The following ERMAP variants were observed in gnomAD, a reference collection of about 807,000 sequenced individuals.
ERMAP encodes erythroid membrane-associated protein.
A neutral mutation model predicts 49.5 loss-of-function variants in ERMAP; 34 were observed. The ratio of observed to expected loss-of-function variants is 0.69; its 90% CI spans 0.52 to 0.91. The LOEUF (loss-of-function observed/expected upper bound fraction) is 0.91. Among genes scored for constraint, ERMAP ranks in the 40% least tolerant of loss-of-function variants. The pLI, the probability that ERMAP is intolerant of heterozygous loss-of-function variation, is 0.00. For synonymous variants in ERMAP, 214 were observed against 232.2 expected (o/e 0.92, Z 0.71); for missense variants, 541 against 582.6 (o/e 0.93, Z 0.74).
At chr1:42,826,994 A>C (rs1304319611) in intron 2 of ERMAP, among the ~76,000 whole-genome samples, 1 of 152,178 alleles carries the variant, frequency 6.6e-6, no homozygotes, top group Admixed American at 6.5e-5. Context: ...AAAACAACCT[A>C]AATGTCCTCA....
At position 42,835,205 on chromosome 1, in the gene ERMAP, G is replaced by A. The variant is rs1371987681; in HGVS notation, c.550+51G>A. The A allele has an allele frequency of 4.8e-6, 4 of 830,640 alleles. No homozygotes were observed. The Admixed American group carries it at 6.8e-5, about 14-fold the overall frequency. The allele number at this position is 830,640 out of a possible 1,614,324, so 51.5% of individuals were successfully genotyped here. On this transcript the variant is annotated intron_variant, in intron 5 of 11. Coordinates refer to ENST00000372517, the MANE Select transcript of ERMAP (RefSeq NM_001017922.2). ...GCTGGTGGGAAGTGGGACTATGACT[G>A]CTCTGGGAAAGGGCCAGACGGAAGT...
intron 7 of ERMAP, among the ~76,000 whole-genome samples, chr1:42,837,483 A>T (rs1317526173): frequency 6.6e-6 from 1 of 152,182 alleles, no homozygotes; most frequent in Non-Finnish European, 1.5e-5. Context: ...TATTATTGAA[A>T]AGTATATTAA....
intron 11 of ERMAP, 62 bp from the exon 12 acceptor site, chr1:42,842,455 G>A: frequency 6.8e-7 from 1 of 1,463,366 alleles, no homozygotes; most frequent in Non-Finnish European, 9.2e-7. Context: ...TCCCTCCAAA[G>A]CCATCCCCAA....
Position 42,819,206 on chromosome 1 carries a change from TGC to T in ERMAP, c.-122+1962_-122+1963del, listed in dbSNP as rs3048761. Among the ~76,000 whole-genome samples the T allele has an allele frequency of 0.019, 1,557 of 81,766 alleles. 23 individuals carry two copies. Among genetic ancestry groups the T allele is most frequent in the African/African-American group, 0.04 (1,146 of 28,600 alleles). 53.6% of individuals were successfully genotyped at this position (81,766 alleles called of 152,430 possible). A position where few individuals can be genotyped will look rare whatever the true frequency, so the allele number is the denominator to read the frequency against. ...GTGTGTGTGTGTGTGTGTGTGTGTG[TGC>T]GCGCGCGCAAGAGAGGGACCGAGAG... is the stretch of plus-strand genomic sequence containing the variant. On this transcript the variant is annotated intron_variant, in intron 1 of 11. Transcript: ENST00000372517. The surrounding 1 kb of genome is among the most constrained non-coding windows in gnomAD (Gnocchi z 5.1).
rs778474168 is a variant in ERMAP, at chr1:42,830,927, A to T, written c.245A>T (p.Asp82Val). ...TCCCAGGCTGTTCACATATTCCGGG[A>T]TGGGAAGGACCAGGATGAAGATCTG... ...QRSQAVHIFR[D>V]GKDQDEDLMP... is the part of the protein sequence containing the mutation. Residue 82 changes from aspartate to valine, a missense_variant, in exon 4 of 12, where the codon GAT (aspartate) becomes GTT (valine). Physicochemically the swap from Asp to Val is radical, Grantham distance 152. Coordinates refer to ENST00000372517, the MANE Select transcript of ERMAP (RefSeq NM_001017922.2). 3.7e-6 allele frequency: 6 copies of T among 1,613,990 alleles called. No individual in the cohort carries two copies. Among genetic ancestry groups the T allele is most frequent in the Non-Finnish European group, 5.1e-6 (6 of 1,180,024 alleles).
At chr1:42,837,306 C>G in intron 7 of ERMAP, 116 bp downstream of exon 7, 1 of 1,064,356 alleles carries the variant, frequency 9.4e-7, no homozygotes, top group Non-Finnish European at 1.4e-6. Context: ...CACACATGCA[C>G]ACATATATCC....
intron 1 of ERMAP, among the ~76,000 whole-genome samples, chr1:42,820,942 T>C (rs1654390150): frequency 6.6e-6 from 1 of 152,128 alleles, no homozygotes; most frequent in African/African-American, 2.4e-5. Flanking sequence ...CCCCGGGAGG[T>C]AGAGCCAGGC....
In ERMAP at chr1:42,838,793, G is replaced by A. The variant is rs890619004; in HGVS notation, c.617-108G>A. The stretch of plus-strand genomic sequence containing the variant: ...GGAGCTGGACTAGGGACATAGAAGC[G>A]TCACCATCATTTTAATCTTGTGGGT... On this transcript the variant is annotated intron_variant, in intron 7 of 11. Coordinates refer to ENST00000372517, the MANE Select transcript of ERMAP (RefSeq NM_001017922.2). 8 of 1,543,716 alleles carry A rather than the reference G, an allele frequency of 5.2e-6. No homozygotes were observed. In the East Asian group the frequency reaches 6.8e-5, roughly 13 times the overall value.
intron 3 of ERMAP, 85 bp from the exon 4 acceptor site, chr1:42,830,683 G>T (rs12727498): frequency 0.36 from 512,586 of 1,416,808 alleles, 95,619 homozygotes; most frequent in Non-Finnish European, 0.38. Context: ...GGCTCTGTCC[G>T]TCCCCGGGAT....
At chr1:42,836,577 C>T (rs1319156066) in intron 6 of ERMAP, among the ~76,000 whole-genome samples, 3 of 151,998 alleles carry the variant, frequency 2.0e-5, no homozygotes, top group African/African-American at 7.3e-5. Flanking sequence ...AAAACTTGGC[C>T]GGGCATGGTG....
chr1:42,843,174 T>C lies in ERMAP; in HGVS notation c.1370T>C (p.Leu457Pro), dbSNP rs1557615946. The change falls in exon 12 of 12, where the codon CTG becomes CCG. Residue 457 changes from leucine to proline, a missense_variant. Coordinates refer to ENST00000372517, the MANE Select transcript of ERMAP (RefSeq NM_001017922.2). Reference sequence around the variant, plus strand: ...GCCCCAGAGCTGAAGGATATAATCCTGTCCTTGCCCCCTGACCTTGGCCCA... The same window carrying C: ...GCCCCAGAGCTGAAGGATATAATCCCGTCCTTGCCCCCTGACCTTGGCCCA... ...PKAPELKDII[L>P]SLPPDLGPAL... is the part of the protein sequence containing the mutation. 3.7e-6 allele frequency: 6 copies of C among 1,612,684 alleles called. No individual in the cohort carries two copies. The highest frequency in any genetic ancestry group is 4.2e-6 in the Non-Finnish European group (5 of 1,179,390).
intron 7 of ERMAP, chr1:42,837,858 T>C (rs1384773482): frequency 1.3e-5 from 2 of 152,532 alleles, no homozygotes; most frequent in African/African-American, 4.8e-5. Context: ...GATTCAATGA[T>C]GTCAGCGTCT....
Position 42,842,678 on chromosome 1 carries a change from T to G in ERMAP, c.874T>G (p.Cys292Gly). The G allele has an allele frequency of 6.2e-7, 1 of 1,614,204 alleles. No homozygotes were observed. Among genetic ancestry groups the G allele is most frequent in the Non-Finnish European group, 8.5e-7 (1 of 1,180,024 alleles). ...AGGCTCTGAGTACTTCACGACTGGC[T>G]GCCACTACTGGGAGGTGTATGTGGG... ...ILGSEYFTTG[C>G]HYWEVYVGDK... The change falls in exon 12 of 12, where the codon TGC becomes GGC. Residue 292 changes from cysteine to glycine, a missense_variant. Transcript: ENST00000372517.
rs1236441585 is a variant in ERMAP at position 42,838,940 on chromosome 1, C to T, written c.637+19C>T. 6.2e-7 allele frequency: 1 copy of T among 1,614,162 alleles called. No individual in the cohort carries two copies. Among genetic ancestry groups the T allele is most frequent in the East Asian group, 2.2e-5 (1 of 44,888 alleles). ...GCTGTCAGTAAGTTTTGCTCCTCATCCATGGCACAAGCTCCTTCTGCTGAC... is the reference window on the plus strand; with the variant it reads ...GCTGTCAGTAAGTTTTGCTCCTCATTCATGGCACAAGCTCCTTCTGCTGAC... On this transcript the variant is annotated intron_variant, in intron 8 of 11. Transcript: ENST00000372517.
At position 42,843,366 on chromosome 1, in the gene ERMAP, G is replaced by T; in HGVS notation, c.*134G>T. On this transcript the variant is annotated 3_prime_UTR_variant, in exon 12 of 12. Coordinates refer to ENST00000372517, the MANE Select transcript of ERMAP (RefSeq NM_001017922.2). ...CCAGACCCTTTTGTGGTTTCTATTT[G>T]TACCACTTTTCTCCCAGGCCTCAGT... The T allele has an allele frequency of 1.6e-6, 1 of 617,138 alleles. No individual in the cohort carries two copies. Among genetic ancestry groups the T allele is most frequent in the East Asian group, 2.9e-5 (1 of 34,236 alleles). The allele number at this position is 617,138 out of a possible 1,614,324, so 38.2% of individuals were successfully genotyped here. A position where few individuals can be genotyped will look rare whatever the true frequency, so the allele number is the denominator to read the frequency against.
chr1:42,817,264 C>G lies in ERMAP; in HGVS notation c.-122+11C>G. 3.2e-6 allele frequency: 4 copies of G among 1,245,734 alleles called. No homozygotes were observed. The African/African-American group carries it at 6.4e-5, about 20-fold the overall frequency. 77.2% of individuals were successfully genotyped at this position (1,245,734 alleles called of 1,614,324 possible). A position where few individuals can be genotyped will look rare whatever the true frequency, so the allele number is the denominator to read the frequency against. On this transcript the variant is annotated intron_variant, in intron 1 of 11. Coordinates refer to ENST00000372517, the MANE Select transcript of ERMAP (RefSeq NM_001017922.2). ...AACGCCTCCGGGAGGGTAATCCTCG[C>G]CTTCCCCCGACCACTGGACCCAGCG...
intron 11 of ERMAP, among the ~76,000 whole-genome samples, chr1:42,840,672 C>G (rs1315309300): frequency 1.3e-5 from 2 of 151,996 alleles, no homozygotes; most frequent in Admixed American, 6.6e-5. Context: ...TATATTAGCT[C>G]TTTGTCATAT....
intron 2 of ERMAP, chr1:42,830,232 T>A (rs1188009661): frequency 1.7e-6 from 1 of 577,268 alleles, no homozygotes; most frequent in African/African-American, 1.9e-5. Context: ...GAGGCACAGT[T>A]CTTTTACCCA....
chr1:42,832,523 C>A (rs34867079), intron 4 of ERMAP, among the ~76,000 whole-genome samples: 3 of 151,802 alleles, frequency 2.0e-5, no homozygotes, highest in Non-Finnish European at 4.4e-5. Flanking sequence ...TGTGCCACCA[C>A]GCCCGGCTAA....
Sources: gnomAD v4.1 joint callset for allele counts (sites outside exome capture counted in the v4.1 genomes callset) on GRCh38, gnomAD v4.1.1 for gene constraint, Gnocchi (gnomAD v3.1) non-coding constraint, MANE v1.5 for transcripts, NCBI Gene and HGNC (gene_info 2026-07-23, HGNC 2026-07-21) for gene names.